The following KDF1 variants were observed in gnomAD, a reference collection of about 807,000 sequenced individuals.
The protein encoded by KDF1 is keratinocyte differentiation factor 1.
KDF1 carries 11 observed loss-of-function variants against 31.6 expected under a neutral mutation model. The ratio of observed to expected loss-of-function variants is 0.35; its 90% CI spans 0.22 to 0.58. The LOEUF (loss-of-function observed/expected upper bound fraction) is 0.58. Among genes scored for constraint, KDF1 ranks in the 20% least tolerant of loss-of-function variants. The pLI, the probability that KDF1 is intolerant of heterozygous loss-of-function variation, is 0.83. For synonymous variants in KDF1, 205 were observed against 214.4 expected (o/e 0.96, Z 0.38); for missense variants, 476 against 549.1 (o/e 0.87, Z 1.33).
rs369366004 is a variant in KDF1, at chr1:26,951,957, G to A, written c.424C>T (p.Pro142Ser). The change falls in exon 2 of 4, where the codon CCC (proline) becomes TCC (serine). Residue 142 changes from proline (P) to serine (S), a missense_variant. Pro to Ser is a moderately conservative substitution (Grantham distance 74). Transcript: ENST00000320567. The surrounding 1 kb of genome is among the most constrained non-coding windows in gnomAD (Gnocchi z 5.4). ...NGVPPSPDRA[P>S]PSRRDGQRLK... ...CGCTGGCCATCCCGCCGGCTGGGGG[G>A]TGCACGATCAGGGCTGGGGGGCACT... The A allele has an allele frequency of 5.6e-6, 9 of 1,606,478 alleles. No homozygotes were observed. In the East Asian group the frequency reaches 8.9e-5, roughly 16 times the overall value.
At chr1:26,954,250 G>A (rs1459541849) in intron 1 of KDF1, among the ~76,000 whole-genome samples, 7 of 148,496 alleles carry the variant, frequency 4.7e-5, no homozygotes, top group South Asian at 2.1e-4. Flanking sequence ...TTGAAACGGA[G>A]TCTCACTCCG....
chr1:26,959,643 G>T (rs1187014291), intron 1 of KDF1, among the ~76,000 whole-genome samples: 2 of 150,562 alleles, frequency 1.3e-5, no homozygotes, highest in Non-Finnish European at 3.0e-5. Context: ...TGGATTTCTC[G>T]TTGATGCTTT....
At chr1:26,959,005 T>C (rs1199321343) in intron 1 of KDF1, among the ~76,000 whole-genome samples, 1 of 152,220 alleles carries the variant, frequency 6.6e-6, no homozygotes, top group Admixed American at 6.5e-5. Flanking sequence ...GCCAGAGGAC[T>C]TTCACCTTAT....
chr1:26,956,212 G>A (rs1271932879), intron 1 of KDF1, among the ~76,000 whole-genome samples: 1 of 152,086 alleles, frequency 6.6e-6, no homozygotes, highest in Admixed American at 6.6e-5. Flanking sequence ...GTGGAACTGG[G>A]CATCGGGATA....
chr1:26,951,207 A>T lies in KDF1; in HGVS notation c.1039+135T>A. 1.0e-6 allele frequency: 1 copy of T among 970,466 alleles called. No individual in the cohort carries two copies. Among genetic ancestry groups the T allele is most frequent in the Non-Finnish European group, 1.5e-6 (1 of 676,198 alleles). The allele number at this position is 970,466 out of a possible 1,614,324, so 60.1% of individuals were successfully genotyped here. A position where few individuals can be genotyped will look rare whatever the true frequency, so the allele number is the denominator to read the frequency against. ...GGGAGCTGGGGAGAGGGGATGCAAG[A>T]GTTGACAGAAAGGAGGAGGAAAGGC... On this transcript the variant is annotated intron_variant, in intron 2 of 3. Transcript: ENST00000320567. The surrounding 1 kb of genome is among the most constrained non-coding windows in gnomAD (Gnocchi z 5.4).
At chr1:26,958,526 C>T (rs1442907351) in intron 1 of KDF1, among the ~76,000 whole-genome samples, 1 of 152,158 alleles carries the variant, frequency 6.6e-6, no homozygotes, top group Non-Finnish European at 1.5e-5. Context: ...TTATTGATGG[C>T]TTACACTGTT....
In KDF1 at chr1:26,949,870, GC is replaced by G; in HGVS notation, c.*198del. 1 of 543,538 alleles carries G rather than the reference GC, an allele frequency of 1.8e-6. No homozygotes were observed. The highest frequency in any genetic ancestry group is 2.0e-5 in the South Asian group (1 of 49,790). 33.7% of individuals were successfully genotyped at this position (543,538 alleles called of 1,614,324 possible). On this transcript the variant is annotated 3_prime_UTR_variant, in exon 4 of 4. Transcript: ENST00000320567. Reference sequence around the variant, plus strand: ...AGGGGCCCTGGCAGGGATCAGACCAGCTGGGGATGCAAGGAGATGTAGATCC... The same window carrying G: ...AGGGGCCCTGGCAGGGATCAGACCAGTGGGGATGCAAGGAGATGTAGATCC...
chr1:26,953,811 T>G (rs1464610331), intron 1 of KDF1, among the ~76,000 whole-genome samples: 1 of 152,014 alleles, frequency 6.6e-6, no homozygotes, highest in Non-Finnish European at 1.5e-5. Context: ...AAAAATTAGC[T>G]GGGCGTGGTG....
chr1:26,950,597 C>G lies in KDF1; in HGVS notation c.1114+85G>C. On this transcript the variant is annotated intron_variant, in intron 3 of 3. Transcript: ENST00000320567. This position sits in a 1 kb window ranked among gnomAD's most constrained non-coding sequence, Gnocchi z 4.0. Reference sequence around the variant, plus strand: ...CTTTTTGATGTCATCCTCATCACCCCAAAAGAAAGCTGGGAGAGCAGCAGG... The same window carrying G: ...CTTTTTGATGTCATCCTCATCACCCGAAAAGAAAGCTGGGAGAGCAGCAGG... The G allele has an allele frequency of 8.6e-7, 1 of 1,159,392 alleles. No individual in the cohort carries two copies. Among genetic ancestry groups the G allele is most frequent in the Non-Finnish European group, 1.3e-6 (1 of 777,346 alleles). The allele number at this position is 1,159,392 out of a possible 1,614,324, so 71.8% of individuals were successfully genotyped here. A position where few individuals can be genotyped will look rare whatever the true frequency, so the allele number is the denominator to read the frequency against.
chr1:26,955,371 A>G (rs1390432164), intron 1 of KDF1, among the ~76,000 whole-genome samples: 2 of 152,160 alleles, frequency 1.3e-5, no homozygotes, highest in Non-Finnish European at 2.9e-5. Flanking sequence ...AGATATGGGA[A>G]TTTACAAGGT....
At chr1:26,958,287 G>A (rs2082386293) in intron 1 of KDF1, among the ~76,000 whole-genome samples, 1 of 151,498 alleles carries the variant, frequency 6.6e-6, no homozygotes. Context: ...ACAGGCGCGT[G>A]CCACGCCTGG....
Position 26,949,974 on chromosome 1 carries a change from G to T in KDF1, c.*95C>A. ...GGAGCCAGAGTGGGCACTGCTTCAG[G>T]TCTAAGCCTCTCCCACAGGGGTTCC... On this transcript the variant is annotated 3_prime_UTR_variant, in exon 4 of 4. Coordinates refer to ENST00000320567, the MANE Select transcript of KDF1 (RefSeq NM_152365.3). 1.5e-6 allele frequency: 2 copies of T among 1,316,730 alleles called. No individual in the cohort carries two copies. The highest frequency in any genetic ancestry group is 2.4e-5 in the East Asian group (1 of 41,600). 81.6% of individuals were successfully genotyped at this position (1,316,730 alleles called of 1,614,324 possible). A position where few individuals can be genotyped will look rare whatever the true frequency, so the allele number is the denominator to read the frequency against.
At chr1:26,954,219 A>C (rs1367456673) in intron 1 of KDF1, among the ~76,000 whole-genome samples, 1 of 151,466 alleles carries the variant, frequency 6.6e-6, no homozygotes, top group African/African-American at 2.4e-5. Flanking sequence ...ATGATGCTTA[A>C]ATATGTTTTT....
Position 26,951,390 on chromosome 1 carries a change from G to A in KDF1, c.991C>T (p.Pro331Ser). 1 of 1,607,072 alleles carries A rather than the reference G, an allele frequency of 6.2e-7. No individual in the cohort carries two copies. ...TRAAAPTAAAPDSGHETMVGS... is the reference protein window; with the variant it reads ...TRAAAPTAAASDSGHETMVGS... Reference sequence around the variant, plus strand: ...ACCATGGTCTCATGGCCACTGTCAGGGGCAGCAGCGGTTGGGGCAGCAGCC... The same window carrying A: ...ACCATGGTCTCATGGCCACTGTCAGAGGCAGCAGCGGTTGGGGCAGCAGCC... Residue 331 changes from proline to serine, a missense_variant, in exon 2 of 4, where the codon CCT (proline) becomes TCT (serine). Around this residue, in one of 2 missense-constraint regions of KDF1, gnomAD observed 146 missense variants for 216.8 expected, o/e 0.67. Transcript: ENST00000320567. This position sits in a 1 kb window ranked among gnomAD's most constrained non-coding sequence, Gnocchi z 5.4.
intron 1 of KDF1, among the ~76,000 whole-genome samples, chr1:26,953,683 G>A (rs577281311): frequency 7.4e-4 from 113 of 152,262 alleles, no homozygotes; most frequent in African/African-American, 2.3e-3. Flanking sequence ...GCCCGGGTGC[G>A]GTGGCTCATG....
intron 1 of KDF1, among the ~76,000 whole-genome samples, chr1:26,959,264 C>G (rs1427858351): frequency 1.3e-5 from 2 of 152,154 alleles, no homozygotes; most frequent in Non-Finnish European, 2.9e-5. Context: ...TCCCCACTTC[C>G]CTCCAGCCAT....
chr1:26,953,612 C>A (rs1031156824), intron 1 of KDF1, among the ~76,000 whole-genome samples: 1 of 152,204 alleles, frequency 6.6e-6, no homozygotes. Context: ...CATGCTGCAA[C>A]ATGGATGAAC....
chr1:26,951,417 G>T lies in KDF1; in HGVS notation c.964C>A (p.Arg322=). Residue 322 remains arginine, a synonymous_variant, in exon 2 of 4, where the codon CGG becomes AGG. Transcript: ENST00000320567. This position sits in a 1 kb window ranked among gnomAD's most constrained non-coding sequence, Gnocchi z 5.4. ...GCAGCAGCGGTTGGGGCAGCAGCCC[G>T]AGTTGAACGACCCTCCGAGGTCTGT... ...RPQTSEGRST[R]AAAPTAAAPD... 1 of 1,611,690 alleles carries T rather than the reference G, an allele frequency of 6.2e-7. No homozygotes were observed. The highest frequency in any genetic ancestry group is 8.5e-7 in the Non-Finnish European group (1 of 1,178,728).
intron 1 of KDF1, among the ~76,000 whole-genome samples, chr1:26,959,995 C>A (rs1036661057): frequency 6.6e-6 from 1 of 152,202 alleles, no homozygotes; most frequent in African/African-American, 2.4e-5. Flanking sequence ...ACTACCCTCT[C>A]CAGCTGCAAG....
Sources: gnomAD v4.1 joint callset for allele counts (sites outside exome capture counted in the v4.1 genomes callset) on GRCh38, gnomAD v4.1.1 for gene constraint, gnomAD v4.1.1 regional missense constraint, Gnocchi (gnomAD v3.1) non-coding constraint, MANE v1.5 for transcripts, NCBI Gene and HGNC (gene_info 2026-07-23, HGNC 2026-07-21) for gene names.